The following RBPJ variants were observed in gnomAD, a reference collection of about 807,000 sequenced individuals.
RBPJ encodes the protein recombining binding protein suppressor of hairless.
RBPJ carries 9 observed loss-of-function variants against 67.8 expected under a neutral mutation model. The ratio of observed to expected loss-of-function variants is 0.13; its 90% CI spans 0.08 to 0.23. The LOEUF is 0.23. RBPJ is among the 10% of genes least tolerant of loss of function. RBPJ has a pLI of 1.00. For synonymous variants in RBPJ, 198 were observed against 203.3 expected (o/e 0.97, Z 0.22); for missense variants, 305 against 595.6 (o/e 0.51, Z 5.08).
chr4:26,114,501 A>ATATATATATATATG, the RBPJ span, among the ~76,000 whole-genome samples: 2 of 144,660 alleles, frequency 1.4e-5, no homozygotes, highest in African/African-American at 5.3e-5. Flanking sequence ...ATATATATGT[A>ATATATATATATATG]TGTGTGTGTG....
At chr4:26,260,208 A>G (rs1297455631) in intron 1 of RBPJ, among the ~76,000 whole-genome samples, 1 of 152,240 alleles carries the variant, frequency 6.6e-6, no homozygotes, top group East Asian at 1.9e-4. Flanking sequence ...TTTAGAAGGG[A>G]ATTGTGAGTT....
chr4:26,396,186 G>A (rs920608233), intron 2 of RBPJ, among the ~76,000 whole-genome samples: 7 of 152,196 alleles, frequency 4.6e-5, no homozygotes, highest in African/African-American at 1.7e-4. Flanking sequence ...TAAATTGATA[G>A]TCAAATTAAA....
At chr4:26,180,184 C>A (rs545979218) in intron 1 of RBPJ, among the ~76,000 whole-genome samples, 15 of 151,580 alleles carry the variant, frequency 9.9e-5, no homozygotes, top group Non-Finnish European at 2.1e-4. Context: ...GGGTGGAGGG[C>A]GGGAGAAGGG....
intron 1 of RBPJ, among the ~76,000 whole-genome samples, chr4:26,211,844 A>C (rs1236461660): frequency 6.6e-6 from 1 of 152,198 alleles, no homozygotes; most frequent in Non-Finnish European, 1.5e-5. Flanking sequence ...GTAATTAGTT[A>C]AGATGAGATC....
chr4:26,430,288 C>A lies in RBPJ; in HGVS notation c.1045-131C>A. On this transcript the variant is annotated intron_variant, in intron 9 of 10. Transcript: ENST00000355476. The surrounding 1 kb of genome is among the most constrained non-coding windows in gnomAD (Gnocchi z 4.1). Reference sequence around the variant, plus strand: ...GTTATCTTGAAATGTTTTTAGCTAGCTTTGTAATAAAAAACATTTTAATTG... The same window carrying A: ...GTTATCTTGAAATGTTTTTAGCTAGATTTGTAATAAAAAACATTTTAATTG... 1 of 885,744 alleles carries A rather than the reference C, an allele frequency of 1.1e-6. No individual in the cohort carries two copies. The highest frequency in any genetic ancestry group is 1.8e-6 in the Non-Finnish European group (1 of 565,406). The allele number at this position is 885,744 out of a possible 1,614,324, so 54.9% of individuals were successfully genotyped here. A position where few individuals can be genotyped will look rare whatever the true frequency, so the allele number is the denominator to read the frequency against.
the RBPJ span, among the ~76,000 whole-genome samples, chr4:26,121,873 C>CTTT: frequency 1.9e-4 from 18 of 94,076 alleles, no homozygotes; most frequent in East Asian, 8.3e-4. Flanking sequence ...GAGTATCTCT[C>CTTT]TTTTTTTTTT....
chr4:26,155,989 G>C, the RBPJ span, among the ~76,000 whole-genome samples: 6 of 152,228 alleles, frequency 3.9e-5, no homozygotes, highest in African/African-American at 1.4e-4. Flanking sequence ...AGGCAGAAAG[G>C]GGCAGTGACA....
the RBPJ span, among the ~76,000 whole-genome samples, chr4:26,127,550 A>G: frequency 6.6e-6 from 1 of 152,212 alleles, no homozygotes; most frequent in Non-Finnish European, 1.5e-5. Flanking sequence ...AACAATTGTA[A>G]TGTGGTACAG....
At chr4:26,281,568 C>A (rs1053382264) in intron 1 of RBPJ, among the ~76,000 whole-genome samples, 2 of 152,236 alleles carry the variant, frequency 1.3e-5, no homozygotes, top group Admixed American at 1.3e-4. Flanking sequence ...GCATGAGCCA[C>A]CATGCCCACC....
chr4:26,234,615 G>A (rs748955650), intron 1 of RBPJ, among the ~76,000 whole-genome samples: 4 of 152,010 alleles, frequency 2.6e-5, no homozygotes, highest in African/African-American at 7.2e-5. Context: ...TCTGTCCCCC[G>A]TTCCTGTTTA....
At chr4:26,217,768 A>T (rs142238938) in intron 1 of RBPJ, among the ~76,000 whole-genome samples, 2 of 152,280 alleles carry the variant, frequency 1.3e-5, no homozygotes, top group East Asian at 3.9e-4. Flanking sequence ...TGACAAAAAA[A>T]CTTCTAAATT....
chr4:26,174,998 T>A (rs908480890), intron 1 of RBPJ, among the ~76,000 whole-genome samples: 4 of 152,074 alleles, frequency 2.6e-5, no homozygotes, highest in Non-Finnish European at 4.4e-5. Flanking sequence ...GAAAAAGACA[T>A]GGCAGAGATT....
intron 1 of RBPJ, among the ~76,000 whole-genome samples, chr4:26,298,608 G>T (rs1721964395): frequency 6.6e-6 from 1 of 152,174 alleles, no homozygotes; most frequent in Non-Finnish European, 1.5e-5. Flanking sequence ...CCTAGTATTT[G>T]TTCATTATAA....
chr4:26,314,836 C>T (rs933289585), upstream of RBPJ, among the ~76,000 whole-genome samples: 10 of 152,060 alleles, frequency 6.6e-5, no homozygotes, highest in African/African-American at 2.4e-4. Context: ...TCCATTTTCA[C>T]TCCCACTAGC....
intron 2 of RBPJ, 73 bp from the exon 3 acceptor site, chr4:26,406,102 A>C: frequency 1.1e-6 from 1 of 927,744 alleles, no homozygotes; most frequent in South Asian, 1.4e-5. Context: ...CTCTCATTAC[A>C]GAGCGTAGTA....
At chr4:26,213,014 G>A (rs563782602) in intron 1 of RBPJ, among the ~76,000 whole-genome samples, 1 of 152,288 alleles carries the variant, frequency 6.6e-6, no homozygotes, top group East Asian at 1.9e-4. Flanking sequence ...GGACCTTCCA[G>A]ACCACGTACT....
chr4:26,244,403 A>ATGTGTACGCATG lies in RBPJ; in HGVS notation c.-167+80794_-167+80795insACGCATGTGTGT, dbSNP rs1560226517. ...CGTGTGTGTATATATGTATGCACAT[A>ATGTGTACGCATG]TGTGTGTATACATATGTGTGTATAT... On this transcript the variant is annotated intron_variant, in intron 1 of 4. Transcript: ENST00000512351. Among the ~76,000 whole-genome samples, 3 of 1,266 alleles carry ATGTGTACGCATG rather than the reference A, an allele frequency of 2.4e-3. 1 individual carries two copies. Among genetic ancestry groups the ATGTGTACGCATG allele is most frequent in the Non-Finnish European group, 1.3e-3 (1 of 756 alleles). 0.8% of individuals were successfully genotyped at this position (1,266 alleles called of 152,430 possible).
At chr4:26,414,407 A>G (rs535583536) in intron 3 of RBPJ, among the ~76,000 whole-genome samples, 6 of 152,208 alleles carry the variant, frequency 3.9e-5, no homozygotes, top group African/African-American at 9.6e-5. Flanking sequence ...GGGCTCAAGC[A>G]GTCCGCCTGC....
intron 1 of RBPJ, among the ~76,000 whole-genome samples, chr4:26,380,631 C>T (rs1730221428): frequency 6.6e-6 from 1 of 151,880 alleles, no homozygotes; most frequent in African/African-American, 2.4e-5. Flanking sequence ...GATCAGGTGG[C>T]CTATTTTTTC....
Sources: allele counts gnomAD v4.1 joint callset (sites outside exome capture counted in the v4.1 genomes callset), GRCh38; gene constraint gnomAD v4.1.1; non-coding constraint Gnocchi (gnomAD v3.1); transcripts MANE v1.5; gene names NCBI Gene and HGNC (gene_info 2026-07-23, HGNC 2026-07-21).